Variants in DOCK3 observed in about 807,000 individuals in gnomAD.
DOCK3 encodes dedicator of cytokinesis protein 3.
DOCK3 carries 60 observed loss-of-function variants against 265.6 expected under a neutral mutation model. The observed-to-expected ratio is 0.23, with a 90% CI of 0.18 to 0.28. The LOEUF is 0.28. Ranked by LOEUF, DOCK3 falls within the 10% of genes least tolerant of loss-of-function variation. DOCK3 has a pLI of 1.00. For missense variants in DOCK3, 1,981 were observed against 2,594.3 expected, an observed-to-expected ratio of 0.76 and a Z score of 5.14; for synonymous variants, 881 against 938.0, an observed-to-expected ratio of 0.94 and a Z score of 1.11.
chr3:50,896,621 T>A (rs2048903720), intron 4 of DOCK3, among the ~76,000 whole-genome samples: 1 of 152,202 alleles, frequency 6.6e-6, no homozygotes. Flanking sequence ...TGGTTTTAGG[T>A]CTTACGTTTA....
At chr3:51,360,215 A>G (rs1055016505) in intron 46 of DOCK3, among the ~76,000 whole-genome samples, 2 of 152,110 alleles carry the variant, frequency 1.3e-5, no homozygotes, top group African/African-American at 4.8e-5. Context: ...AAAACCTGTT[A>G]ACACACTCCT....
At chr3:51,194,147 T>C (rs933488963) in intron 12 of DOCK3, among the ~76,000 whole-genome samples, 2 of 152,222 alleles carry the variant, frequency 1.3e-5, no homozygotes, top group African/African-American at 4.8e-5. Flanking sequence ...TCCATCTTAA[T>C]GTCCTTGGTG....
chr3:51,087,917 AAAATC>A (rs993953723), intron 7 of DOCK3, among the ~76,000 whole-genome samples: 2 of 152,194 alleles, frequency 1.3e-5, no homozygotes, highest in African/African-American at 4.8e-5. Flanking sequence ...AAAAGAAAGA[AAAATC>A]AGTATATAAA....
At chr3:50,829,042 A>G (rs1366527369) in intron 2 of DOCK3, among the ~76,000 whole-genome samples, 4 of 152,020 alleles carry the variant, frequency 2.6e-5, no homozygotes, top group Admixed American at 6.6e-5. Context: ...TCTCTTTACC[A>G]TGCTTTTACA....
chr3:51,039,651 A>G (rs192210531), intron 5 of DOCK3, among the ~76,000 whole-genome samples: 168 of 151,278 alleles, frequency 1.1e-3, no homozygotes, highest in African/African-American at 3.6e-3. Flanking sequence ...TCTTTTGTCT[A>G]TTTTTCTTTT....
intron 1 of DOCK3, among the ~76,000 whole-genome samples, chr3:50,723,069 G>A (rs537659511): frequency 6.6e-6 from 1 of 152,202 alleles, no homozygotes; most frequent in African/African-American, 2.4e-5. Flanking sequence ...CACCATGCCT[G>A]GCCTCAGATG....
At chr3:50,860,854 C>T (rs751553030) in intron 3 of DOCK3, among the ~76,000 whole-genome samples, 1 of 152,210 alleles carries the variant, frequency 6.6e-6, no homozygotes, top group Non-Finnish European at 1.5e-5. Context: ...GCCTGCAGGC[C>T]GTTGCTGCTG....
chr3:50,862,511 T>C (rs946340040), intron 3 of DOCK3, among the ~76,000 whole-genome samples: 1 of 149,626 alleles, frequency 6.7e-6, no homozygotes, highest in Non-Finnish European at 1.5e-5. Context: ...TGGAGTGTGC[T>C]TAAGTTCTTA....
chr3:50,860,855 G>A (rs1034516517), intron 3 of DOCK3, among the ~76,000 whole-genome samples: 2 of 152,232 alleles, frequency 1.3e-5, no homozygotes, highest in Admixed American at 6.5e-5. Flanking sequence ...CCTGCAGGCC[G>A]TTGCTGCTGA....
intron 5 of DOCK3, among the ~76,000 whole-genome samples, chr3:51,058,812 AT>A (rs574617564): frequency 7.3e-5 from 11 of 151,686 alleles, no homozygotes; most frequent in African/African-American, 9.7e-5. Context: ...CTTTGGGCCT[AT>A]TTTTTTTAAG....
In DOCK3 at chr3:51,228,019, A is replaced by G. The variant is rs990563001; in HGVS notation, c.1578A>G (p.Ala526=). 16 of 1,614,048 alleles carry G rather than the reference A, an allele frequency of 9.9e-6. No individual in the cohort carries two copies. The highest frequency in any genetic ancestry group is 1.3e-5 in the African/African-American group (1 of 75,060). ...DKGEKKLFGF[A]FSTLMRDDGT... is the part of the protein sequence containing the mutation. ...GGGAAAAGAAACTCTTTGGCTTTGC[A>G]TTCTCAACCCTGATGCGTGATGATG... The change falls in exon 17 of 53, where the codon GCA becomes GCG. Residue 526 remains alanine (A), a synonymous_variant. Coordinates refer to ENST00000266037, the MANE Select transcript of DOCK3 (RefSeq NM_004947.5).
chr3:50,851,403 C>A (rs533331698), intron 3 of DOCK3, among the ~76,000 whole-genome samples: 1 of 152,196 alleles, frequency 6.6e-6, no homozygotes, highest in African/African-American at 2.4e-5. Context: ...GCAGTTCAGG[C>A]GGCTGATCCA....
At chr3:50,755,410 C>A (rs34627371) in intron 1 of DOCK3, among the ~76,000 whole-genome samples, 14,370 of 152,186 alleles carry the variant, frequency 0.094, 841 homozygotes, top group Non-Finnish European at 0.12. Flanking sequence ...TAGCAGATAC[C>A]ACTTCAGGTT....
intron 3 of DOCK3, among the ~76,000 whole-genome samples, chr3:50,859,880 G>C (rs1271495773): frequency 6.6e-6 from 1 of 152,136 alleles, no homozygotes. Context: ...TGGAAGTGTG[G>C]GTTTCTCTCT....
At chr3:51,022,932 A>T (rs914274078) in intron 5 of DOCK3, among the ~76,000 whole-genome samples, 1 of 152,146 alleles carries the variant, frequency 6.6e-6, no homozygotes, top group African/African-American at 2.4e-5. Context: ...CATTTATTTA[A>T]TAGTGTACTT....
chr3:51,199,230 C>T (rs1047689481), intron 12 of DOCK3, among the ~76,000 whole-genome samples: 3 of 152,148 alleles, frequency 2.0e-5, no homozygotes, highest in East Asian at 1.9e-4. Context: ...CAAAGCAGGG[C>T]GAGGCATTGC....
intron 1 of DOCK3, among the ~76,000 whole-genome samples, chr3:50,735,300 A>G (rs1192730578): frequency 6.6e-6 from 1 of 152,074 alleles, no homozygotes; most frequent in African/African-American, 2.4e-5. Context: ...TTTATTCTAT[A>G]TGAGGTTGTT....
At chr3:51,241,840 T>G (rs927063213) in intron 21 of DOCK3, among the ~76,000 whole-genome samples, 1 of 152,226 alleles carries the variant, frequency 6.6e-6, no homozygotes, top group African/African-American at 2.4e-5. Context: ...TATCATGATT[T>G]TTAGCTTCCT....
At chr3:51,263,686 C>G (rs1446101533) in intron 23 of DOCK3, among the ~76,000 whole-genome samples, 2 of 152,102 alleles carry the variant, frequency 1.3e-5, no homozygotes, top group Non-Finnish European at 2.9e-5. Context: ...ATCTCACATG[C>G]AAAGACACAC....
Sources: allele counts gnomAD v4.1 joint callset (sites outside exome capture counted in the v4.1 genomes callset), GRCh38; gene constraint gnomAD v4.1.1; transcripts MANE v1.5; gene names NCBI Gene and HGNC (gene_info 2026-07-23, HGNC 2026-07-21).